Variants in CORO2B observed in about 807,000 individuals in gnomAD.
CORO2B encodes the protein coronin 2B, also known as coronin-2B.
In CORO2B, 26 loss-of-function variants were observed where a neutral mutation model predicts 58.8. The ratio of observed to expected loss-of-function variants is 0.44; its 90% CI spans 0.32 to 0.61. The LOEUF (loss-of-function observed/expected upper bound fraction) is 0.61. Among genes scored for constraint, CORO2B ranks in the 20% least tolerant of loss-of-function variants. The pLI is 0.04. For missense variants in CORO2B, 460 were observed against 645.1 expected (o/e 0.71, Z 3.11); for synonymous variants, 242 against 253.8 (o/e 0.95, Z 0.44).
intron 2 of CORO2B, among the ~76,000 whole-genome samples, chr15:68,647,841 C>A (rs1901491834): frequency 7.0e-6 from 1 of 142,264 alleles, no homozygotes; most frequent in Admixed American, 7.3e-5. Flanking sequence ...GGCCCTGAGA[C>A]CCTGTTTCTA....
chr15:68,621,652 T>G (rs2140252217), intron 1 of CORO2B, among the ~76,000 whole-genome samples: 1 of 152,270 alleles, frequency 6.6e-6, no homozygotes, highest in Admixed American at 6.5e-5. Flanking sequence ...TGGTTGTTGG[T>G]TTGTGTTAGG....
At chr15:68,613,901 TA>T (rs1327682333) in intron 1 of CORO2B, among the ~76,000 whole-genome samples, 1 of 152,250 alleles carries the variant, frequency 6.6e-6, no homozygotes, top group Admixed American at 6.5e-5. Context: ...TTTTCAATTA[TA>T]AATTGCTGTG....
chr15:68,636,333 C>G (rs1901030265), intron 1 of CORO2B, among the ~76,000 whole-genome samples: 1 of 152,142 alleles, frequency 6.6e-6, no homozygotes, highest in East Asian at 1.9e-4. Context: ...ACATGTCCGG[C>G]CTTGTTCACC....
At chr15:68,679,099 CT>C (rs1390475944) in intron 2 of CORO2B, among the ~76,000 whole-genome samples, 1 of 152,236 alleles carries the variant, frequency 6.6e-6, no homozygotes, top group Non-Finnish European at 1.5e-5. Context: ...TGAGACTCTA[CT>C]ATGGGCCTGG....
In CORO2B at chr15:68,579,231, C is replaced by G; in HGVS notation, c.-32C>G. On this transcript the variant is annotated 5_prime_UTR_variant, in exon 1 of 12. Coordinates refer to ENST00000261861, the MANE Select transcript of CORO2B (RefSeq NM_006091.5). ...GCCGCCGCCGCCCCCGCACGCCGCG[C>G]CCGCGCCCCCGCTCCGCCGCGGAGT... 2 of 1,119,726 alleles carry G rather than the reference C, an allele frequency of 1.8e-6. No homozygotes were observed. Among genetic ancestry groups the G allele is most frequent in the Non-Finnish European group, 2.2e-6 (2 of 917,744 alleles). 69.4% of individuals were successfully genotyped at this position (1,119,726 alleles called of 1,614,324 possible).
chr15:68,706,412 A>AG (rs1892786810), intron 3 of CORO2B, among the ~76,000 whole-genome samples: 1 of 152,096 alleles, frequency 6.6e-6, no homozygotes, highest in Non-Finnish European at 1.5e-5. Flanking sequence ...GCTTAGTGCT[A>AG]CTCAAGAGCA....
intron 2 of CORO2B, among the ~76,000 whole-genome samples, chr15:68,651,948 G>A (rs1327295681): frequency 6.6e-6 from 1 of 152,156 alleles, no homozygotes; most frequent in Non-Finnish European, 1.5e-5. Flanking sequence ...AACAACAACC[G>A]CGAAGATGCT....
the CORO2B span, among the ~76,000 whole-genome samples, chr15:68,563,153 A>C: frequency 6.6e-5 from 10 of 151,754 alleles, no homozygotes; most frequent in Admixed American, 4.6e-4. Context: ...AGAAGAGCAA[A>C]CTAAACCCAA....
At chr15:68,524,757 C>T in the CORO2B span, among the ~76,000 whole-genome samples, 1 of 152,188 alleles carries the variant, frequency 6.6e-6, no homozygotes, top group African/African-American at 2.4e-5. Context: ...CTGTTGGAGG[C>T]TCCCTGAAGC....
the CORO2B span, among the ~76,000 whole-genome samples, chr15:68,563,401 C>T: frequency 1.3e-5 from 2 of 151,646 alleles, no homozygotes; most frequent in East Asian, 3.9e-4. Context: ...GAGAATTGAT[C>T]ACTTGAGCCT....
intron 2 of CORO2B, among the ~76,000 whole-genome samples, chr15:68,674,304 C>T (rs887501566): frequency 1.3e-5 from 2 of 152,138 alleles, no homozygotes; most frequent in African/African-American, 4.8e-5. Flanking sequence ...CTGGGGGCTT[C>T]GGGACGGTGG....
chr15:68,591,141 T>A (rs903503822), intron 1 of CORO2B, among the ~76,000 whole-genome samples: 7 of 151,942 alleles, frequency 4.6e-5, no homozygotes, highest in Non-Finnish European at 1.0e-4. Context: ...GGGAGGCTGA[T>A]GGGTGGAGGC....
At chr15:68,599,876 G>T (rs1899938804) in intron 1 of CORO2B, among the ~76,000 whole-genome samples, 1 of 152,220 alleles carries the variant, frequency 6.6e-6, no homozygotes, top group Admixed American at 6.5e-5. Context: ...GCCAGGCTCT[G>T]TGGGCCTGGG....
rs187731461 is a variant in CORO2B at position 68,700,494 on chromosome 15, C to T, written c.333+5238C>T. Among the ~76,000 whole-genome samples the T allele has an allele frequency of 3.0e-4, 46 of 152,312 alleles. No individual in the cohort carries two copies. The East Asian group carries it at 8.3e-3, about 28-fold the overall frequency. ...AAATCAATCCCCGTCCCCCAGGATC[C>T]GTTTCCCCTCCCTGAGCAGGAGGAG... On this transcript the variant is annotated intron_variant, in intron 3 of 11. Coordinates refer to ENST00000261861, the MANE Select transcript of CORO2B (RefSeq NM_006091.5).
the CORO2B span, among the ~76,000 whole-genome samples, chr15:68,571,698 T>C: frequency 2.0e-5 from 3 of 152,250 alleles, no homozygotes; most frequent in African/African-American, 7.2e-5. Context: ...CCCAAGGCAC[T>C]GCACAAGCTG....
chr15:68,662,025 TA>T (rs1385987620), intron 2 of CORO2B, among the ~76,000 whole-genome samples: 12 of 151,738 alleles, frequency 7.9e-5, no homozygotes, highest in East Asian at 1.9e-4. Flanking sequence ...AATAAATAAA[TA>T]AATTAATTAA....
the CORO2B span, among the ~76,000 whole-genome samples, chr15:68,520,030 A>G: frequency 6.6e-6 from 1 of 152,192 alleles, no homozygotes; most frequent in African/African-American, 2.4e-5. Context: ...TTTTAAATCT[A>G]TGTATTATAT....
At chr15:68,652,808 G>C (rs1168468139) in intron 2 of CORO2B, among the ~76,000 whole-genome samples, 1 of 152,198 alleles carries the variant, frequency 6.6e-6, no homozygotes, top group Admixed American at 6.5e-5. Flanking sequence ...AGACTGCACG[G>C]CCCACAAGTA....
chr15:68,603,915 T>C (rs1396631484), intron 1 of CORO2B, among the ~76,000 whole-genome samples: 1 of 152,094 alleles, frequency 6.6e-6, no homozygotes, highest in Non-Finnish European at 1.5e-5. Flanking sequence ...GGGCAGAACA[T>C]GGGGAAGAGT....
Sources: gnomAD v4.1 joint callset for allele counts (sites outside exome capture counted in the v4.1 genomes callset) on GRCh38, gnomAD v4.1.1 for gene constraint, MANE v1.5 for transcripts, NCBI Gene and HGNC (gene_info 2026-07-23, HGNC 2026-07-21) for gene names.